The following PRKCH variants were observed in gnomAD, a reference collection of about 807,000 sequenced individuals.
PRKCH encodes protein kinase C eta type.
A neutral mutation model predicts 82.5 loss-of-function variants in PRKCH; 28 were observed. The observed-to-expected ratio is 0.34, with a 90% CI of 0.25 to 0.47. PRKCH has a LOEUF of 0.47. PRKCH is among the 20% of genes least tolerant of loss of function. The pLI is 1.00. For missense variants in PRKCH, 705 were observed against 881.8 expected (o/e 0.80, Z 2.54); for synonymous variants, 322 against 327.4 (o/e 0.98, Z 0.18).
intron 2 of PRKCH, among the ~76,000 whole-genome samples, chr14:61,397,367 G>C (rs180762065): frequency 6.6e-6 from 1 of 152,314 alleles, no homozygotes; most frequent in Non-Finnish European, 1.5e-5. Flanking sequence ...AAGTTGCAAT[G>C]TCTGGGAGAA....
intron 1 of PRKCH, among the ~76,000 whole-genome samples, chr14:61,290,652 T>C (rs549055268): frequency 6.6e-6 from 1 of 152,374 alleles, no homozygotes; most frequent in South Asian, 2.1e-4. Flanking sequence ...AAGGATTCTG[T>C]GGTTTAAAGA....
At chr14:61,317,773 T>C (rs2045575564), upstream of PRKCH, among the ~76,000 whole-genome samples, 1 of 152,170 alleles carries the variant, frequency 6.6e-6, no homozygotes, top group South Asian at 2.1e-4. Context: ...CTATAAATGT[T>C]GGAGTTGCTG....
intron 2 of PRKCH, among the ~76,000 whole-genome samples, chr14:61,394,399 T>A (rs1169552539): frequency 6.6e-6 from 1 of 152,132 alleles, no homozygotes; most frequent in Non-Finnish European, 1.5e-5. Flanking sequence ...AAAATCAATG[T>A]AGTATTATGG....
At chr14:61,225,611 T>G (rs1594860910) in intron 1 of PRKCH, among the ~76,000 whole-genome samples, 1 of 152,236 alleles carries the variant, frequency 6.6e-6, no homozygotes, top group Non-Finnish European at 1.5e-5. Context: ...CACCCACATA[T>G]GAGTAAGTGT....
At chr14:61,315,147 C>T (rs1286605936) in intron 1 of PRKCH, among the ~76,000 whole-genome samples, 1 of 152,102 alleles carries the variant, frequency 6.6e-6, no homozygotes, top group Non-Finnish European at 1.5e-5. Context: ...TTAGATGTAT[C>T]TTTGCATACT....
upstream of PRKCH, among the ~76,000 whole-genome samples, chr14:61,319,713 C>A (rs181853417): frequency 6.6e-6 from 1 of 152,238 alleles, no homozygotes; most frequent in Non-Finnish European, 1.5e-5. Context: ...CAGAGCTGAC[C>A]CACAGGGTAG....
chr14:61,398,788 T>C (rs2140213991), intron 2 of PRKCH, among the ~76,000 whole-genome samples: 1 of 152,238 alleles, frequency 6.6e-6, no homozygotes. Flanking sequence ...AAAAGAGACT[T>C]GGTTTCTTCT....
At chr14:61,271,954 G>A (rs1225674449) in intron 1 of PRKCH, among the ~76,000 whole-genome samples, 1 of 152,184 alleles carries the variant, frequency 6.6e-6, no homozygotes, top group Admixed American at 6.5e-5. Flanking sequence ...GGCCGGGCGC[G>A]GTGGCTCACG....
chr14:61,345,953 G>T (rs1183828082), intron 1 of PRKCH, among the ~76,000 whole-genome samples: 1 of 152,136 alleles, frequency 6.6e-6, no homozygotes, highest in Admixed American at 6.6e-5. Context: ...CCTGCCTCAG[G>T]TGGTTGATAT....
rs1364699006 is a variant in PRKCH at position 61,435,494 on chromosome 14, G to A, written c.428-7617G>A. Among the ~76,000 whole-genome samples, 4 of 152,080 alleles carry A rather than the reference G, an allele frequency of 2.6e-5. No homozygotes were observed. In the East Asian group the frequency reaches 5.8e-4, roughly 22 times the overall value. ...CAAATGCCAAGTTTTAGGTAGCTTG[G>A]GGATACCTTGAAGAGATGCTGACAA... is the stretch of plus-strand genomic sequence containing the variant. On this transcript the variant is annotated intron_variant, in intron 2 of 13. Coordinates refer to ENST00000332981, the MANE Select transcript of PRKCH (RefSeq NM_006255.5).
intron 1 of PRKCH, among the ~76,000 whole-genome samples, chr14:61,236,211 A>G (rs2044786560): frequency 1.3e-5 from 2 of 151,414 alleles, no homozygotes; most frequent in Non-Finnish European, 2.9e-5. Context: ...CTCTGCTAAA[A>G]CTACAAAAAT....
At chr14:61,334,580 C>T (rs946716777) in intron 1 of PRKCH, among the ~76,000 whole-genome samples, 8 of 152,022 alleles carry the variant, frequency 5.3e-5, no homozygotes, top group East Asian at 1.9e-4. Flanking sequence ...AAGGCCCTAC[C>T]GTGAGAACAA....
chr14:61,210,254 C>G (rs1594853756), intron 1 of PRKCH, among the ~76,000 whole-genome samples: 1 of 150,764 alleles, frequency 6.6e-6, no homozygotes, highest in African/African-American at 2.4e-5. Flanking sequence ...GCGGAGGTTA[C>G]AGTAAGCCGA....
intron 2 of PRKCH, among the ~76,000 whole-genome samples, chr14:61,435,105 G>T (rs1463308823): frequency 2.0e-5 from 3 of 152,182 alleles, no homozygotes; most frequent in Admixed American, 6.5e-5. Context: ...CCCGCTGAGG[G>T]TGTTCAACCA....
intron 10 of PRKCH, among the ~76,000 whole-genome samples, chr14:61,488,685 C>T (rs532548314): frequency 2.2e-3 from 338 of 152,292 alleles, no homozygotes; most frequent in Non-Finnish European, 4.1e-3. Flanking sequence ...TTCTTGAATC[C>T]TCAGAGGCTT....
Position 61,321,883 on chromosome 14 carries a change from G to A in PRKCH, c.-219G>A. 1 of 477,826 alleles carries A rather than the reference G, an allele frequency of 2.1e-6. No individual in the cohort carries two copies. The highest frequency in any genetic ancestry group is 3.7e-6 in the Non-Finnish European group (1 of 268,182). The allele number at this position is 477,826 out of a possible 1,614,324, so 29.6% of individuals were successfully genotyped here. On this transcript the variant is annotated 5_prime_UTR_variant, in exon 1 of 14. Transcript: ENST00000332981. This position sits in a 1 kb window ranked among gnomAD's most constrained non-coding sequence, Gnocchi z 4.1. The stretch of plus-strand genomic sequence containing the variant: ...TCCCCGGCCCGCTGAGGGCTCGGCG[G>A]CGGGCTCCCCTCCTTTCCACCTCGG...
At chr14:61,416,995 G>T (rs1378533483) in intron 2 of PRKCH, among the ~76,000 whole-genome samples, 1 of 152,096 alleles carries the variant, frequency 6.6e-6, no homozygotes, top group Non-Finnish European at 1.5e-5. Context: ...CAGGAAAATT[G>T]CCACCCAACA....
intron 1 of PRKCH, among the ~76,000 whole-genome samples, chr14:61,364,128 C>A (rs965863492): frequency 2.0e-5 from 3 of 151,068 alleles, no homozygotes; most frequent in African/African-American, 7.3e-5. Context: ...CTGCCTTGGC[C>A]TCCCAAAGTG....
chr14:61,355,025 A>G (rs1346905793), intron 1 of PRKCH, among the ~76,000 whole-genome samples: 1 of 152,224 alleles, frequency 6.6e-6, no homozygotes, highest in Non-Finnish European at 1.5e-5. Flanking sequence ...TTTAGATTAG[A>G]ACTGAAAAAT....
Sources: allele counts gnomAD v4.1 joint callset (sites outside exome capture counted in the v4.1 genomes callset), GRCh38; gene constraint gnomAD v4.1.1; non-coding constraint Gnocchi (gnomAD v3.1); transcripts MANE v1.5; gene names NCBI Gene and HGNC (gene_info 2026-07-23, HGNC 2026-07-21).